MED13L: variants seen among roughly 807,000 people sequenced by gnomAD.
MED13L encodes the protein mediator complex subunit 13L.
MED13L carries 7 observed loss-of-function variants against 220.9 expected under a neutral mutation model. The observed-to-expected ratio is 0.03, with a 90% CI of 0.02 to 0.06. The LOEUF (loss-of-function observed/expected upper bound fraction) is 0.06. MED13L is among the 10% of genes least tolerant of loss of function. MED13L has a pLI of 1.00. For missense variants in MED13L, 1,965 were observed against 2,760.5 expected (o/e 0.71, Z 6.46); for synonymous variants, 1,011 against 1,015.2 (o/e 1.00, Z 0.08).
At chr12:116,103,784 G>C (rs1448622460) in intron 3 of MED13L, among the ~76,000 whole-genome samples, 4 of 152,028 alleles carry the variant, frequency 2.6e-5, no homozygotes, top group African/African-American at 9.7e-5. Context: ...TAAGTCTAAA[G>C]ACTCATTCTC....
At chr12:116,220,538 A>C (rs1026459587) in intron 2 of MED13L, among the ~76,000 whole-genome samples, 2 of 152,148 alleles carry the variant, frequency 1.3e-5, no homozygotes, top group South Asian at 4.1e-4. Context: ...ATCTCTACTA[A>C]AAATACAAAA....
chr12:116,109,937 A>G (rs540932478), intron 3 of MED13L, among the ~76,000 whole-genome samples: 2 of 152,326 alleles, frequency 1.3e-5, no homozygotes, highest in African/African-American at 2.4e-5. Context: ...CTTAAATAAC[A>G]TATCAACTGT....
At chr12:115,984,126 G>T in intron 20 of MED13L, 54 bp downstream of exon 20, 1 of 1,549,700 alleles carries the variant, frequency 6.5e-7, no homozygotes, top group Non-Finnish European at 8.8e-7. Context: ...GGGATGGGAC[G>T]GATTTGCTAT....
intron 4 of MED13L, among the ~76,000 whole-genome samples, chr12:116,048,492 GATAGAA>G (rs1046645092): frequency 2.0e-5 from 3 of 152,164 alleles, no homozygotes; most frequent in African/African-American, 7.2e-5. Context: ...AGAATGAAGT[GATAGAA>G]ACTTAGAATG....
chr12:116,258,860 T>C (rs757771591), intron 1 of MED13L, among the ~76,000 whole-genome samples: 13 of 146,992 alleles, frequency 8.8e-5, no homozygotes, highest in Non-Finnish European at 1.3e-4. Context: ...CCCATATAGA[T>C]GAAAAGATGC....
At chr12:116,227,942 TA>T (rs1424420232) in intron 2 of MED13L, among the ~76,000 whole-genome samples, 3 of 151,752 alleles carry the variant, frequency 2.0e-5, no homozygotes, top group Admixed American at 1.3e-4. Flanking sequence ...ATAAAAAATT[TA>T]AAAAAATCTT....
chr12:116,232,293 T>C (rs1461573482), intron 2 of MED13L: 1 of 183,234 alleles, frequency 5.5e-6, no homozygotes, highest in Non-Finnish European at 1.0e-5. Context: ...ATTTTTAGAG[T>C]TGTACAGATG....
chr12:116,022,331 G>T, intron 5 of MED13L, 125 bp downstream of exon 5: 1 of 1,130,152 alleles, frequency 8.8e-7, no homozygotes, highest in South Asian at 1.4e-5. Context: ...TTCAAAATCT[G>T]ACCCTTATGC....
At chr12:116,198,235 C>T (rs868580888) in intron 2 of MED13L, among the ~76,000 whole-genome samples, 2 of 152,012 alleles carry the variant, frequency 1.3e-5, no homozygotes, top group African/African-American at 4.8e-5. Context: ...CTGTACCATC[C>T]ATCTTATATC....
At chr12:116,232,783 T>A (rs1869687906) in intron 2 of MED13L, among the ~76,000 whole-genome samples, 1 of 152,120 alleles carries the variant, frequency 6.6e-6, no homozygotes, top group African/African-American at 2.4e-5. Flanking sequence ...GAGAATATTG[T>A]GTTTATTTAA....
chr12:116,150,082 G>A (rs1877919801), intron 2 of MED13L, among the ~76,000 whole-genome samples: 1 of 152,158 alleles, frequency 6.6e-6, no homozygotes, highest in African/African-American at 2.4e-5. Context: ...CACATGGACA[G>A]ATTTAGTTGT....
Position 116,015,119 on chromosome 12 carries a change from T to C in MED13L, c.1165A>G (p.Thr389Ala). The stretch of plus-strand genomic sequence containing the variant: ...ATCGAGAAAACTTACTTGGACTGGG[T>C]TCTGTTGAGGATGCATTCCTTCCAG... ...RVWKECILNR[T>A]QSKRSQMSTP... is the part of the protein sequence containing the mutation. Residue 389 changes from threonine to alanine, a missense_variant, in exon 8 of 31, where the codon ACC (threonine) becomes GCC (alanine). Thr to Ala is a moderately conservative substitution (Grantham distance 58, BLOSUM62 0). Around this residue, in one of 10 missense-constraint regions of MED13L, gnomAD observed 818 missense variants for 1,041.2 expected, o/e 0.79. Transcript: ENST00000281928. 1.2e-6 allele frequency: 2 copies of C among 1,613,612 alleles called. No homozygotes were observed. Among genetic ancestry groups the C allele is most frequent in the South Asian group, 2.2e-5 (2 of 91,078 alleles).
chr12:115,980,559 A>T, intron 23 of MED13L, 191 bp downstream of exon 23: 1 of 658,350 alleles, frequency 1.5e-6, no homozygotes, highest in Non-Finnish European at 2.7e-6. Flanking sequence ...CCTAGGCTTA[A>T]GCAATCCTTC....
intron 4 of MED13L, among the ~76,000 whole-genome samples, chr12:116,062,342 C>G (rs926465387): frequency 3.9e-5 from 6 of 151,906 alleles, no homozygotes; most frequent in African/African-American, 1.5e-4. Flanking sequence ...TTGGTAGAGA[C>G]AGTGTTTCAC....
At chr12:116,147,538 T>C (rs1440328121) in intron 2 of MED13L, among the ~76,000 whole-genome samples, 4 of 152,198 alleles carry the variant, frequency 2.6e-5, no homozygotes, top group Admixed American at 1.3e-4. Flanking sequence ...TGTTCATACA[T>C]ATAAACATGA....
At chr12:116,199,989 T>C (rs185198902) in intron 2 of MED13L, among the ~76,000 whole-genome samples, 12 of 150,836 alleles carry the variant, frequency 8.0e-5, no homozygotes, top group Non-Finnish European at 1.5e-5. Flanking sequence ...TACATTGTCA[T>C]GGTTGAAATA....
intron 4 of MED13L, among the ~76,000 whole-genome samples, chr12:116,065,533 T>C (rs1869853322): frequency 6.6e-6 from 1 of 152,188 alleles, no homozygotes; most frequent in Non-Finnish European, 1.5e-5. Flanking sequence ...AAGGCAAGAT[T>C]ACATGTAGAC....
At chr12:116,232,113 T>G in intron 2 of MED13L, 1 of 985,440 alleles carries the variant, frequency 1.0e-6, no homozygotes. Flanking sequence ...TTATGTCTAA[T>G]GTTTTTACAA....
chr12:115,988,616 A>G (rs1877857585), intron 17 of MED13L, among the ~76,000 whole-genome samples: 1 of 152,246 alleles, frequency 6.6e-6, no homozygotes, highest in African/African-American at 2.4e-5. Context: ...CACGTTTCTT[A>G]TGAACCCTAT....
Sources: gnomAD v4.1 joint callset for allele counts (sites outside exome capture counted in the v4.1 genomes callset) on GRCh38, gnomAD v4.1.1 for gene constraint, gnomAD v4.1.1 regional missense constraint, MANE v1.5 for transcripts, NCBI Gene and HGNC (gene_info 2026-07-23, HGNC 2026-07-21) for gene names.